Variants in HMGCLL1 observed in about 807,000 individuals in gnomAD.
HMGCLL1 encodes 3-hydroxy-3-methylglutaryl-CoA lyase like 1, also known as 3-hydroxymethyl-3-methylglutaryl-CoA lyase, cytoplasmic.
A neutral mutation model predicts 39.1 loss-of-function variants in HMGCLL1; 36 were observed. The observed-to-expected ratio is 0.92, with a 90% CI of 0.71 to 1.22. The LOEUF is 1.22. HMGCLL1 is among the 50% of genes most tolerant of loss of function. The pLI, the probability that HMGCLL1 is intolerant of heterozygous loss-of-function variation, is 0.00. For missense variants in HMGCLL1, 451 were observed against 416.5 expected, an observed-to-expected ratio of 1.08 and a Z score of -0.72; for synonymous variants, 149 against 144.0, an observed-to-expected ratio of 1.03 and a Z score of -0.25.
intron 1 of HMGCLL1, among the ~76,000 whole-genome samples, chr6:55,553,202 C>CACACAT (rs1554158788): frequency 1.3e-4 from 20 of 148,612 alleles, no homozygotes; most frequent in African/African-American, 3.5e-4. Flanking sequence ...CACACACACA[C>CACACAT]ATACACACAC....
intron 5 of HMGCLL1, among the ~76,000 whole-genome samples, chr6:55,509,166 G>T (rs930398390): frequency 2.0e-5 from 3 of 151,862 alleles, no homozygotes; most frequent in African/African-American, 7.2e-5. Context: ...CCCATATTTT[G>T]GTGGTACATA....
At chr6:55,467,453 T>C (rs1398024956) in intron 7 of HMGCLL1, among the ~76,000 whole-genome samples, 1 of 152,024 alleles carries the variant, frequency 6.6e-6, no homozygotes, top group African/African-American at 2.4e-5. Flanking sequence ...CAATCCCAAC[T>C]AGAACGAAAT....
chr6:55,566,339 T>C (rs1176217023), intron 1 of HMGCLL1, among the ~76,000 whole-genome samples: 1 of 152,174 alleles, frequency 6.6e-6, no homozygotes, highest in East Asian at 1.9e-4. Flanking sequence ...TTAATAAAGT[T>C]CACCAAAAAG....
rs554642802 is a variant in HMGCLL1 at position 55,438,259 on chromosome 6, G to A, written c.921+1175C>T. Among the ~76,000 whole-genome samples, 4 of 152,162 alleles carry A rather than the reference G, an allele frequency of 2.6e-5. 1 individual carries two copies. The highest frequency in any genetic ancestry group is 9.6e-5 in the African/African-American group (4 of 41,546). ...CCAGAGAAAATAGGCAATAGCTTTTGGTGTTTATGGGCAACAGCTGTTGGT... is the reference window on the plus strand; with the variant it reads ...CCAGAGAAAATAGGCAATAGCTTTTAGTGTTTATGGGCAACAGCTGTTGGT... On this transcript the variant is annotated intron_variant, in intron 8 of 8. Coordinates refer to ENST00000274901, the MANE Select transcript of HMGCLL1 (RefSeq NM_001042406.2).
chr6:55,657,122 G>C, the HMGCLL1 span, among the ~76,000 whole-genome samples: 1 of 151,792 alleles, frequency 6.6e-6, no homozygotes, highest in Admixed American at 6.6e-5. Flanking sequence ...TGCATAGTTT[G>C]CAAAACTTTT....
chr6:55,444,272 T>A (rs1763722673), intron 7 of HMGCLL1, among the ~76,000 whole-genome samples: 1 of 152,064 alleles, frequency 6.6e-6, no homozygotes, highest in African/African-American at 2.4e-5. Flanking sequence ...GTCCCAACAG[T>A]TCCTTATCAA....
intron 7 of HMGCLL1, among the ~76,000 whole-genome samples, chr6:55,475,324 A>T (rs12204776): frequency 2.0e-5 from 3 of 151,466 alleles, no homozygotes; most frequent in Non-Finnish European, 4.4e-5. Context: ...ATAGAAGGTA[A>T]GACTCACAAA....
At chr6:55,657,047 G>A in the HMGCLL1 span, among the ~76,000 whole-genome samples, 22 of 151,726 alleles carry the variant, frequency 1.4e-4, no homozygotes, top group African/African-American at 3.4e-4. Flanking sequence ...TGGGGGTTTT[G>A]TTGTTTTTTT....
chr6:55,505,731 T>A (rs1767121708), intron 5 of HMGCLL1, among the ~76,000 whole-genome samples: 1 of 151,732 alleles, frequency 6.6e-6, no homozygotes, highest in African/African-American at 2.4e-5. Context: ...AATATCTTAC[T>A]TTACATATAG....
the HMGCLL1 span, among the ~76,000 whole-genome samples, chr6:55,650,106 T>C: frequency 5.8e-4 from 41 of 71,124 alleles, no homozygotes; most frequent in African/African-American, 2.2e-3. Context: ...TATATATATA[T>C]ATATATATAT....
chr6:55,614,232 G>A, the HMGCLL1 span, among the ~76,000 whole-genome samples: 5 of 152,130 alleles, frequency 3.3e-5, no homozygotes, highest in African/African-American at 1.2e-4. Context: ...TCCATGTAAT[G>A]AAATGTGAAG....
At chr6:55,523,961 T>C (rs1181491184) in intron 3 of HMGCLL1, among the ~76,000 whole-genome samples, 1 of 151,980 alleles carries the variant, frequency 6.6e-6, no homozygotes, top group Non-Finnish European at 1.5e-5. Context: ...TTTCTATTTT[T>C]AATTGCATAA....
At chr6:55,485,307 T>C (rs571262326) in intron 7 of HMGCLL1, among the ~76,000 whole-genome samples, 2 of 151,334 alleles carry the variant, frequency 1.3e-5, no homozygotes, top group Admixed American at 6.6e-5. Context: ...ATATTAGGCG[T>C]GTGTGTGTGT....
At chr6:55,439,634 G>A in intron 7 of HMGCLL1, 75 bp from the exon 8 acceptor site, 3 of 1,514,874 alleles carry the variant, frequency 2.0e-6, no homozygotes, top group South Asian at 1.3e-5. Context: ...TTTAACCTAT[G>A]GTAAACTGCA....
intron 5 of HMGCLL1, among the ~76,000 whole-genome samples, chr6:55,508,510 T>G (rs981666634): frequency 2.6e-5 from 4 of 151,802 alleles, no homozygotes; most frequent in African/African-American, 9.7e-5. Flanking sequence ...GTGTTCTAAT[T>G]TCATATGAAT....
rs773557662 is a variant in HMGCLL1, at chr6:55,542,089, C to T, written c.160G>A (p.Gly54Arg). The T allele has an allele frequency of 6.2e-7, 1 of 1,610,176 alleles. No individual in the cohort carries two copies. The highest frequency in any genetic ancestry group is 8.5e-7 in the Non-Finnish European group (1 of 1,177,340). Reference sequence around the variant, plus strand: ...TCATTCTGCAATCCATCCCTAGGCCCAACTTCTACTATTTTAACAAACTCA... The same window carrying T: ...TCATTCTGCAATCCATCCCTAGGCCTAACTTCTACTATTTTAACAAACTCA... ...LPEFVKIVEVGPRDGLQNEKV... is the reference protein window; with the variant it reads ...LPEFVKIVEVRPRDGLQNEKV... The change falls in exon 2 of 9, where the codon GGG (glycine) becomes AGG (arginine). Residue 54 changes from glycine to arginine, a missense_variant. By Grantham distance (125) the Gly-to-Arg change is moderately radical. Transcript: ENST00000274901.
At chr6:55,477,790 T>G (rs886605687) in intron 7 of HMGCLL1, among the ~76,000 whole-genome samples, 1 of 150,632 alleles carries the variant, frequency 6.6e-6, no homozygotes, top group Non-Finnish European at 1.5e-5. Flanking sequence ...TGTTACATTT[T>G]TATACATTAG....
At chr6:55,550,106 T>C (rs1349739662) in intron 1 of HMGCLL1, among the ~76,000 whole-genome samples, 6 of 151,986 alleles carry the variant, frequency 3.9e-5, no homozygotes, top group Non-Finnish European at 8.8e-5. Flanking sequence ...CAGTGTTTTA[T>C]ATTTGTTGGA....
At chr6:55,579,933 G>A (rs1771942831), upstream of HMGCLL1, among the ~76,000 whole-genome samples, 2 of 152,290 alleles carry the variant, frequency 1.3e-5, no homozygotes, top group South Asian at 4.1e-4. Flanking sequence ...ACTTTCACAT[G>A]TAAACTTACG....
Sources: gnomAD v4.1 joint callset for allele counts (sites outside exome capture counted in the v4.1 genomes callset) on GRCh38, gnomAD v4.1.1 for gene constraint, MANE v1.5 for transcripts, NCBI Gene and HGNC (gene_info 2026-07-23, HGNC 2026-07-21) for gene names.